LNPEP: variants seen among roughly 807,000 people sequenced by gnomAD.
The protein encoded by LNPEP is leucyl-cystinyl aminopeptidase.
A neutral mutation model predicts 120.6 loss-of-function variants in LNPEP; 64 were observed. The ratio of observed to expected loss-of-function variants is 0.53; its 90% CI spans 0.43 to 0.65. LNPEP has a LOEUF of 0.65. Ranked by LOEUF, LNPEP falls within the 30% of genes least tolerant of loss-of-function variation. The pLI is 0.00. For missense variants in LNPEP, 1,057 were observed against 1,200.0 expected (o/e 0.88, Z 1.76); for synonymous variants, 435 against 425.4 (o/e 1.02, Z -0.28).
chr5:96,954,766 ATATATAT>A (rs1439082441), intron 1 of LNPEP, among the ~76,000 whole-genome samples: 689 of 40,952 alleles, frequency 0.017, 163 homozygotes, highest in Middle Eastern at 0.034. Flanking sequence ...ATATATATAT[ATATATAT>A]TTTTTTTTTT....
chr5:96,998,201 G>T, intron 8 of LNPEP, 56 bp downstream of exon 8: 1 of 1,291,316 alleles, frequency 7.7e-7, no homozygotes, highest in Non-Finnish European at 1.1e-6. Context: ...GTATAATTTC[G>T]TATGTGAGCA....
intron 5 of LNPEP, 111 bp from the exon 6 acceptor site, chr5:96,993,706 G>T: frequency 1.0e-6 from 1 of 985,022 alleles, no homozygotes; most frequent in Non-Finnish European, 1.5e-6. Flanking sequence ...TTTATTGTGA[G>T]TATAAAAAGA....
rs1288108172 is a variant in LNPEP, at chr5:97,003,533, A to G, written c.1772A>G (p.Asp591Gly). The change falls in exon 9 of 18, where the codon GAT (aspartate) becomes GGT (glycine). Residue 591 changes from aspartate to glycine, a missense_variant. Physicochemically the swap from Asp to Gly is moderately conservative, Grantham distance 94. Coordinates refer to ENST00000231368, the MANE Select transcript of LNPEP (RefSeq NM_005575.3). Reference protein sequence around the residue: ...YASIQSDDLWDSFNEVTNQTL... With the variant: ...YASIQSDDLWGSFNEVTNQTL... The stretch of plus-strand genomic sequence containing the variant: ...TCTATTCAAAGTGATGATCTGTGGG[A>G]TAGTTTTAATGAGGTAAGTGACCTG... The G allele has an allele frequency of 6.3e-6, 10 of 1,599,098 alleles. No individual in the cohort carries two copies. The highest frequency in any genetic ancestry group is 2.7e-5 in the African/African-American group (2 of 74,258).
At chr5:97,003,635 C>G in intron 9 of LNPEP, 89 bp downstream of exon 9, 1 of 885,094 alleles carries the variant, frequency 1.1e-6, no homozygotes, top group Non-Finnish European at 1.7e-6. Flanking sequence ...GTAAGTTAAT[C>G]TGTGGTACAA....
intron 1 of LNPEP, among the ~76,000 whole-genome samples, chr5:96,958,022 G>T (rs183002499): frequency 6.6e-6 from 1 of 152,276 alleles, no homozygotes; most frequent in Admixed American, 6.5e-5. Context: ...GGTTTCTCTG[G>T]ATAGAAATAT....
At chr5:97,014,263 TA>T (rs1791009590) in intron 12 of LNPEP, among the ~76,000 whole-genome samples, 2 of 152,170 alleles carry the variant, frequency 1.3e-5, no homozygotes, top group Admixed American at 1.3e-4. Context: ...TCATGCATTA[TA>T]GAATCCCAAA....
At chr5:96,936,640 T>A (rs1174200324) in intron 1 of LNPEP, 2 of 43,964 alleles carry the variant, frequency 4.5e-5, no homozygotes, top group African/African-American at 8.7e-5. Context: ...TAGGGCGGGG[T>A]GGGGGTGGGA....
chr5:96,979,084 A>G lies in LNPEP; in HGVS notation c.20-54A>G, dbSNP rs535655054. The G allele has an allele frequency of 2.2e-4, 340 of 1,520,092 alleles. 1 individual carries two copies. In the African/African-American group the frequency reaches 4.4e-3, roughly 20 times the overall value. The allele number at this position is 1,520,092 out of a possible 1,614,324, so 94.2% of individuals were successfully genotyped here. A position where few individuals can be genotyped will look rare whatever the true frequency, so the allele number is the denominator to read the frequency against. ...AGGTAGAAGACATGTTATTAATATT[A>G]TGAGCTTTTTTTTTTCTAACTCTGT... is the stretch of plus-strand genomic sequence containing the variant. On this transcript the variant is annotated intron_variant, in intron 1 of 17. Coordinates refer to ENST00000231368, the MANE Select transcript of LNPEP (RefSeq NM_005575.3).
intron 9 of LNPEP, among the ~76,000 whole-genome samples, chr5:97,004,470 C>G (rs1445088541): frequency 6.6e-6 from 1 of 151,424 alleles, no homozygotes; most frequent in Non-Finnish European, 1.5e-5. Context: ...CGAGACTGTA[C>G]CACTGCACTC....
At chr5:96,955,484 G>A (rs1222460665) in intron 1 of LNPEP, among the ~76,000 whole-genome samples, 2 of 152,118 alleles carry the variant, frequency 1.3e-5, no homozygotes, top group Non-Finnish European at 1.5e-5. Context: ...ATGTGGTGAT[G>A]CACGCCTGTA....
chr5:97,010,297 A>G (rs1582025748), intron 11 of LNPEP: 2 of 972,724 alleles, frequency 2.1e-6, no homozygotes, highest in East Asian at 1.1e-4. Context: ...ATGTTTCCAA[A>G]TGGATATCAC....
At chr5:97,011,027 C>T in intron 11 of LNPEP, 1 of 985,308 alleles carries the variant, frequency 1.0e-6, no homozygotes. Context: ...CCAGCTGTGT[C>T]CCTCCTCTTT....
At chr5:96,963,145 TA>T (rs1244424779) in intron 1 of LNPEP, among the ~76,000 whole-genome samples, 15 of 152,332 alleles carry the variant, frequency 9.8e-5, no homozygotes, top group Non-Finnish European at 1.6e-4. Flanking sequence ...CACAGAATCA[TA>T]AAACTAGTAT....
intron 6 of LNPEP, 63 bp downstream of exon 6, chr5:96,994,034 G>A: frequency 3.7e-6 from 5 of 1,338,222 alleles, no homozygotes; most frequent in Middle Eastern, 1.9e-4. Context: ...TGGAGTTATT[G>A]TTAGCATTTA....
intron 11 of LNPEP, chr5:97,010,667 T>G (rs938117914): frequency 2.0e-6 from 2 of 985,024 alleles, no homozygotes; most frequent in African/African-American, 3.5e-5. Flanking sequence ...ACTGTTAGAT[T>G]ACTTCATCTG....
At chr5:97,010,442 A>G in intron 11 of LNPEP, 1 of 984,996 alleles carries the variant, frequency 1.0e-6, no homozygotes, top group South Asian at 4.7e-5. Context: ...TTTTCCCCTA[A>G]TAAAGGAGAA....
At chr5:96,951,712 A>G (rs1435243631) in intron 1 of LNPEP, among the ~76,000 whole-genome samples, 1 of 152,168 alleles carries the variant, frequency 6.6e-6, no homozygotes, top group African/African-American at 2.4e-5. Flanking sequence ...TTTGGAGTTT[A>G]CATTCCTGCC....
chr5:96,999,367 A>C (rs890734531), intron 8 of LNPEP, among the ~76,000 whole-genome samples: 4 of 152,188 alleles, frequency 2.6e-5, no homozygotes, highest in African/African-American at 9.6e-5. Flanking sequence ...TTAAAGTATT[A>C]GTGACAGGGT....
chr5:96,936,534 A>AGAGTT (rs1353506318), intron 1 of LNPEP: 1 of 178,598 alleles, frequency 5.6e-6, no homozygotes, highest in African/African-American at 2.5e-5. Flanking sequence ...CTCCTGTAGG[A>AGAGTT]GCGTTAAGTT....
Sources: allele counts gnomAD v4.1 joint callset (sites outside exome capture counted in the v4.1 genomes callset), GRCh38; gene constraint gnomAD v4.1.1; transcripts MANE v1.5; gene names NCBI Gene and HGNC (gene_info 2026-07-23, HGNC 2026-07-21).